XRCC6: variants seen among roughly 807,000 people sequenced by gnomAD.
XRCC6 encodes the protein X-ray repair cross complementing 6, also known as DNA repair protein Ku70.
In XRCC6, 5 loss-of-function variants were observed where a neutral mutation model predicts 65.7. The ratio of observed to expected loss-of-function variants is 0.08; its 90% confidence interval spans 0.04 to 0.16. The LOEUF (loss-of-function observed/expected upper bound fraction) is 0.16, where lower values mean the gene tolerates loss of function less well. XRCC6 is among the 10% of genes least tolerant of loss of function. The pLI is 1.00. For synonymous variants in XRCC6, 270 were observed against 270.6 expected (o/e 1.00, Z 0.02); for missense variants, 447 against 738.1 (o/e 0.61, Z 4.57).
intron 3 of XRCC6, among the ~76,000 whole-genome samples, chr22:41,633,076 G>T (rs988028107): frequency 6.6e-6 from 1 of 151,754 alleles, no homozygotes; most frequent in East Asian, 1.9e-4. Flanking sequence ...GCAGTGAGCC[G>T]AGATGGCACT....
intron 4 of XRCC6, 81 bp from the exon 5 acceptor site, chr22:41,636,435 C>A: frequency 6.4e-7 from 1 of 1,556,236 alleles, no homozygotes; most frequent in Non-Finnish European, 8.7e-7. Context: ...GAAAAAGGGT[C>A]CTTCTGTTAG....
At chr22:41,644,288 A>G (rs2147096237) in intron 6 of XRCC6, among the ~76,000 whole-genome samples, 1 of 152,334 alleles carries the variant, frequency 6.6e-6, no homozygotes, top group South Asian at 2.1e-4. Flanking sequence ...TGGTTAAGGA[A>G]CATACTTTAT....
intron 3 of XRCC6, among the ~76,000 whole-genome samples, chr22:41,632,269 G>C (rs1190626373): frequency 6.6e-6 from 1 of 152,164 alleles, no homozygotes; most frequent in African/African-American, 2.4e-5. Flanking sequence ...CATAATTTTA[G>C]AATTTGGAAC....
intron 6 of XRCC6, among the ~76,000 whole-genome samples, chr22:41,638,194 G>A (rs1569086779): frequency 1.3e-5 from 2 of 152,248 alleles, no homozygotes; most frequent in East Asian, 3.9e-4. Context: ...TTTCGTGGGG[G>A]TAGACAGTTA....
At chr22:41,663,356 GACTT>G (rs1296266805) in intron 12 of XRCC6, among the ~76,000 whole-genome samples, 5 of 152,116 alleles carry the variant, frequency 3.3e-5, no homozygotes, top group Non-Finnish European at 4.4e-5. Flanking sequence ...AGGAAGGAAT[GACTT>G]ACCCAGAGTG....
At chr22:41,634,017 A>G (rs2067784250) in intron 3 of XRCC6, among the ~76,000 whole-genome samples, 1 of 152,186 alleles carries the variant, frequency 6.6e-6, no homozygotes, top group African/African-American at 2.4e-5. Context: ...TAAAATATTT[A>G]TGGAAATGAC....
intron 11 of XRCC6, among the ~76,000 whole-genome samples, chr22:41,660,857 T>G (rs1040475780): frequency 6.6e-6 from 1 of 152,148 alleles, no homozygotes; most frequent in African/African-American, 2.4e-5. Flanking sequence ...GTATCTCCAC[T>G]GTACCACTGC....
chr22:41,635,252 G>A (rs1025286934), intron 3 of XRCC6, among the ~76,000 whole-genome samples: 2 of 152,160 alleles, frequency 1.3e-5, no homozygotes, highest in Non-Finnish European at 2.9e-5. Context: ...GTAGTACTTG[G>A]CACATGGCAA....
chr22:41,634,625 A>ACCTC (rs1279619902), intron 3 of XRCC6, among the ~76,000 whole-genome samples: 1 of 150,814 alleles, frequency 6.6e-6, no homozygotes, highest in Non-Finnish European at 1.5e-5. Context: ...GCCCACTGCA[A>ACCTC]CCTCCACCTC....
At chr22:41,623,809 C>T (rs2067638500) in intron 2 of XRCC6, among the ~76,000 whole-genome samples, 1 of 152,150 alleles carries the variant, frequency 6.6e-6, no homozygotes. Context: ...CAACCTCCGC[C>T]ACCCCAGTTC....
chr22:41,645,883 T>C (rs1470361123), intron 6 of XRCC6, among the ~76,000 whole-genome samples: 2 of 151,716 alleles, frequency 1.3e-5, no homozygotes, highest in Non-Finnish European at 2.9e-5. Context: ...GTATTTTTAG[T>C]AGGGATGGGG....
chr22:41,636,273 G>GCTTTTCCCT (rs780040633), intron 4 of XRCC6, 22 bp downstream of exon 4: 1 of 1,570,062 alleles, frequency 6.4e-7, no homozygotes, highest in Non-Finnish European at 8.6e-7. Flanking sequence ...TTTAAGATCA[G>GCTTTTCCCT]CTTTTCCCTT....
chr22:41,635,749 C>T (rs755253698), intron 3 of XRCC6, among the ~76,000 whole-genome samples: 1 of 151,816 alleles, frequency 6.6e-6, no homozygotes, highest in Non-Finnish European at 1.5e-5. Context: ...ACTATGTTGC[C>T]CAGGCTGGTC....
intron 3 of XRCC6, among the ~76,000 whole-genome samples, chr22:41,631,963 CAA>C (rs954254432): frequency 6.6e-6 from 1 of 151,994 alleles, no homozygotes; most frequent in Non-Finnish European, 1.5e-5. Flanking sequence ...CCGTCTCCAC[CAA>C]AAAAATACGA....
rs767619167 is a variant in XRCC6, at chr22:41,657,006, C to A, written c.1395C>A (p.Ile465=). 6.3e-6 allele frequency: 10 copies of A among 1,595,576 alleles called. No individual in the cohort carries two copies. The highest frequency in any genetic ancestry group is 2.2e-5 in the East Asian group (1 of 44,594). The change falls in exon 10 of 13, where the codon ATC becomes ATA. Residue 465 remains isoleucine (I), a synonymous_variant. Transcript: ENST00000360079. ...TPEQVGKMKA[I]VEKLRFTYRS... ...AGCAGGTGGGCAAGATGAAGGCTATCGTTGAGAAGCTTCGCTTCACATACA... is the reference window on the plus strand; with the variant it reads ...AGCAGGTGGGCAAGATGAAGGCTATAGTTGAGAAGCTTCGCTTCACATACA...
At chr22:41,646,337 A>C (rs2067932117) in intron 6 of XRCC6, among the ~76,000 whole-genome samples, 1 of 152,074 alleles carries the variant, frequency 6.6e-6, no homozygotes, top group South Asian at 2.1e-4. Context: ...CAACTAGTAC[A>C]GTACTTACAG....
intron 8 of XRCC6, among the ~76,000 whole-genome samples, chr22:41,652,807 G>A (rs558921366): frequency 6.6e-6 from 1 of 152,264 alleles, no homozygotes; most frequent in Admixed American, 6.5e-5. Flanking sequence ...CCAAGTAGCT[G>A]GGACTACAGG....
intron 3 of XRCC6, among the ~76,000 whole-genome samples, chr22:41,632,452 A>C (rs906127405): frequency 1.3e-5 from 2 of 151,836 alleles, no homozygotes; most frequent in East Asian, 1.9e-4. Flanking sequence ...CTCTACTCAA[A>C]ATACAAAAAT....
rs2067611293 is a variant in XRCC6, at chr22:41,621,916, C to T, written c.-15-74C>T. ...TACTAACCAAGCTTTTAGAACAGATCTCACAAGAACCTAGAGGTCGGTATT... is the reference window on the plus strand; with the variant it reads ...TACTAACCAAGCTTTTAGAACAGATTTCACAAGAACCTAGAGGTCGGTATT... On this transcript the variant is annotated intron_variant, in intron 1 of 12. Coordinates refer to ENST00000360079, the MANE Select transcript of XRCC6 (RefSeq NM_001469.5). 3.5e-6 allele frequency: 5 copies of T among 1,428,030 alleles called. No individual in the cohort carries two copies. The Admixed American group carries it at 5.2e-5, about 15-fold the overall frequency. 88.5% of individuals were successfully genotyped at this position (1,428,030 alleles called of 1,614,324 possible).
Sources: allele counts gnomAD v4.1 joint callset (sites outside exome capture counted in the v4.1 genomes callset), GRCh38; gene constraint gnomAD v4.1.1; transcripts MANE v1.5; gene names NCBI Gene and HGNC (gene_info 2026-07-23, HGNC 2026-07-21).